The following DPYD variants were observed in gnomAD, a reference collection of about 807,000 sequenced individuals.
The protein encoded by DPYD is dihydropyrimidine dehydrogenase.
Under a neutral mutation model 116.2 loss-of-function variants are expected in DPYD, and 109 were observed. The ratio of observed to expected loss-of-function variants is 0.94; its 90% CI spans 0.80 to 1.10. DPYD has a LOEUF of 1.10. Ranked by LOEUF, DPYD falls within the 50% of genes least tolerant of loss-of-function variation. DPYD has a pLI of 0.00. For missense variants in DPYD, 1,302 were observed against 1,254.5 expected (o/e 1.04, Z -0.57); for synonymous variants, 440 against 432.0 (o/e 1.02, Z -0.23).
At chr1:97,654,758 T>C (rs1356397783) in intron 8 of DPYD, among the ~76,000 whole-genome samples, 1 of 152,178 alleles carries the variant, frequency 6.6e-6, no homozygotes, top group Non-Finnish European at 1.5e-5. Context: ...GGTATTAGTC[T>C]GCTTTCATGC....
At chr1:97,308,808 C>A (rs1266322260) in intron 16 of DPYD, among the ~76,000 whole-genome samples, 1 of 151,768 alleles carries the variant, frequency 6.6e-6, no homozygotes, top group East Asian at 1.9e-4. Flanking sequence ...TAGACAATTT[C>A]TAATTCTTCC....
rs192412504 is a variant in DPYD, at chr1:97,688,227, G to A, written c.762+3490C>T. Among the ~76,000 whole-genome samples, 10 of 152,212 alleles carry A rather than the reference G, an allele frequency of 6.6e-5. No homozygotes were observed. The East Asian group carries it at 1.9e-3, about 29-fold the overall frequency. On this transcript the variant is annotated intron_variant, in intron 7 of 22. Coordinates refer to ENST00000370192, the MANE Select transcript of DPYD (RefSeq NM_000110.4). ...TATATAGTCAGCAATTAATGAATAA[G>A]AAAACAAAACTTTGATAACTGTTTA...
At chr1:97,560,772 A>G (rs892379637) in intron 11 of DPYD, among the ~76,000 whole-genome samples, 5 of 152,140 alleles carry the variant, frequency 3.3e-5, no homozygotes, top group African/African-American at 1.2e-4. Flanking sequence ...AAGATGAGGG[A>G]TGTGAGAAGC....
chr1:97,488,166 A>T (rs1423044755), intron 13 of DPYD, among the ~76,000 whole-genome samples: 1 of 151,994 alleles, frequency 6.6e-6, no homozygotes, highest in African/African-American at 2.4e-5. Flanking sequence ...TATTTTTTTT[A>T]AAAGCCAATT....
chr1:97,890,703 T>A (rs1216244628), intron 1 of DPYD, among the ~76,000 whole-genome samples: 1 of 151,968 alleles, frequency 6.6e-6, no homozygotes, highest in Non-Finnish European at 1.5e-5. Flanking sequence ...AAAAGACACA[T>A]TTTTTTAAAG....
chr1:97,164,895 A>C (rs1363988270), intron 20 of DPYD, among the ~76,000 whole-genome samples: 2 of 151,392 alleles, frequency 1.3e-5, no homozygotes, highest in Non-Finnish European at 2.9e-5. Context: ...TTTTTAGTAG[A>C]GATGCGGTTT....
At chr1:97,741,639 T>C (rs1557925032) in intron 3 of DPYD, among the ~76,000 whole-genome samples, 1 of 152,312 alleles carries the variant, frequency 6.6e-6, no homozygotes, top group South Asian at 2.1e-4. Context: ...ATTTAATACA[T>C]ATTTAATAAT....
chr1:97,228,817 G>A (rs1423325999), intron 19 of DPYD, among the ~76,000 whole-genome samples: 4 of 152,102 alleles, frequency 2.6e-5, no homozygotes, highest in African/African-American at 7.2e-5. Flanking sequence ...GGCAATGAAA[G>A]GATGATATGA....
intron 20 of DPYD, 113 bp downstream of exon 20, chr1:97,192,956 T>C: frequency 7.4e-6 from 9 of 1,216,348 alleles, no homozygotes; most frequent in Non-Finnish European, 1.1e-5. Flanking sequence ...AGAAATCACA[T>C]CCAGGAGGCA....
intron 8 of DPYD, among the ~76,000 whole-genome samples, chr1:97,660,591 T>C (rs979517873): frequency 6.6e-6 from 1 of 152,096 alleles, no homozygotes; most frequent in African/African-American, 2.4e-5. Context: ...GTTCTGTGTG[T>C]TCCTGGAGAG....
intron 14 of DPYD, among the ~76,000 whole-genome samples, chr1:97,443,526 A>C (rs1238988349): frequency 6.6e-6 from 1 of 152,224 alleles, no homozygotes; most frequent in Non-Finnish European, 1.5e-5. Context: ...AACAGAAACA[A>C]GGACTTGACA....
chr1:97,829,115 A>G (rs180755643), intron 2 of DPYD, among the ~76,000 whole-genome samples: 84 of 151,928 alleles, frequency 5.5e-4, no homozygotes, highest in African/African-American at 2.0e-3. Context: ...TATTTAGTTG[A>G]TAAAATAACT....
intron 18 of DPYD, among the ~76,000 whole-genome samples, chr1:97,255,790 A>G (rs1275090729): frequency 6.6e-6 from 1 of 150,752 alleles, no homozygotes; most frequent in East Asian, 2.0e-4. Flanking sequence ...TGGCACCAGG[A>G]TTTTACCCCA....
intron 8 of DPYD, among the ~76,000 whole-genome samples, chr1:97,668,452 C>T (rs909875144): frequency 1.1e-4 from 17 of 152,114 alleles, no homozygotes; most frequent in African/African-American, 4.1e-4. Flanking sequence ...ATAAATGTAG[C>T]TATTCTATTT....
At chr1:97,281,316 A>T (rs1665307554) in intron 18 of DPYD, among the ~76,000 whole-genome samples, 1 of 151,946 alleles carries the variant, frequency 6.6e-6, no homozygotes, top group Non-Finnish European at 1.5e-5. Context: ...ACAAGAAATT[A>T]AAAGGAAAAT....
chr1:97,146,356 T>C (rs566586826), intron 20 of DPYD, among the ~76,000 whole-genome samples: 1 of 152,292 alleles, frequency 6.6e-6, no homozygotes, highest in African/African-American at 2.4e-5. Context: ...ATATTATCGA[T>C]AATTACAGGC....
chr1:97,608,853 C>T (rs1655764749), intron 8 of DPYD, among the ~76,000 whole-genome samples: 1 of 151,822 alleles, frequency 6.6e-6, no homozygotes, highest in East Asian at 1.9e-4. Flanking sequence ...TCTATAGCAA[C>T]AGTTCATGGT....
intron 20 of DPYD, among the ~76,000 whole-genome samples, chr1:97,148,458 A>G (rs1654791596): frequency 6.6e-6 from 1 of 152,150 alleles, no homozygotes; most frequent in South Asian, 2.1e-4. Context: ...AGGAATCAAA[A>G]GTCTGATTTT....
At chr1:97,204,479 T>C (rs1659458502) in intron 19 of DPYD, among the ~76,000 whole-genome samples, 1 of 152,168 alleles carries the variant, frequency 6.6e-6, no homozygotes, top group African/African-American at 2.4e-5. Context: ...ATTTTATGAT[T>C]TGTGACTCTG....
Sources: allele counts gnomAD v4.1 joint callset (sites outside exome capture counted in the v4.1 genomes callset), GRCh38; gene constraint gnomAD v4.1.1; transcripts MANE v1.5; gene names NCBI Gene and HGNC (gene_info 2026-07-23, HGNC 2026-07-21).